The following LHFPL3 variants were observed in gnomAD, a reference collection of about 807,000 sequenced individuals.
The protein encoded by LHFPL3 is LHFPL tetraspan subfamily member 3 protein.
In LHFPL3, 5 loss-of-function variants were observed where a neutral mutation model predicts 19.3. The observed-to-expected ratio is 0.26, with a 90% CI of 0.14 to 0.54. The LOEUF (loss-of-function observed/expected upper bound fraction) is 0.54. LHFPL3 is among the 20% of genes least tolerant of loss of function. The probability of loss-of-function intolerance (pLI) is 0.94; values close to 1 mark genes in which losing one functional copy is unlikely to be tolerated. For synonymous variants in LHFPL3, 133 were observed against 126.2 expected (o/e 1.05, Z -0.36); for missense variants, 249 against 307.4 (o/e 0.81, Z 1.42).
chr7:104,737,466 G>A lies in LHFPL3; in HGVS notation c.682+555G>A, dbSNP rs1169229315. On this transcript the variant is annotated intron_variant, in intron 2 of 2. Coordinates refer to ENST00000424859, the MANE Select transcript of LHFPL3 (RefSeq NM_199000.3). ...TAATTAGCTGAATTTTAAATGTGTT[G>A]TCTGCGTATCAAAAGTCCTCAGATT... is the stretch of plus-strand genomic sequence containing the variant. Among the ~76,000 whole-genome samples the A allele has an allele frequency of 3.3e-5, 5 of 152,168 alleles. No homozygotes were observed. In the East Asian group the frequency reaches 9.6e-4, roughly 29 times the overall value.
At chr7:104,737,265 T>A (rs1199156054) in intron 2 of LHFPL3, among the ~76,000 whole-genome samples, 2 of 152,130 alleles carry the variant, frequency 1.3e-5, no homozygotes, top group Non-Finnish European at 2.9e-5. Context: ...TGGAAAGTAC[T>A]TTCTCTCCAT....
intron 1 of LHFPL3, among the ~76,000 whole-genome samples, chr7:104,655,387 A>G (rs1234987524): frequency 6.6e-6 from 1 of 152,230 alleles, no homozygotes; most frequent in Non-Finnish European, 1.5e-5. Context: ...AGGTGCATTG[A>G]CAATGTTATA....
At chr7:104,865,478 A>T (rs1441003931) in intron 2 of LHFPL3, among the ~76,000 whole-genome samples, 3 of 152,234 alleles carry the variant, frequency 2.0e-5, no homozygotes, top group Non-Finnish European at 2.9e-5. Flanking sequence ...GGTATCAGTG[A>T]TGGAAGATCA....
At chr7:104,494,667 C>G (rs1024590905) in intron 1 of LHFPL3, among the ~76,000 whole-genome samples, 10 of 152,150 alleles carry the variant, frequency 6.6e-5, no homozygotes, top group Admixed American at 1.3e-4. Context: ...GCCTGCTGAC[C>G]TCTCTCCCAC....
At chr7:104,451,768 G>A (rs374053874) in intron 1 of LHFPL3, among the ~76,000 whole-genome samples, 42 of 150,254 alleles carry the variant, frequency 2.8e-4, no homozygotes, top group African/African-American at 7.1e-4. Flanking sequence ...TTCTTGAGTC[G>A]GAGTCTCACT....
At chr7:104,469,779 T>G (rs1208560802) in intron 1 of LHFPL3, among the ~76,000 whole-genome samples, 1 of 152,160 alleles carries the variant, frequency 6.6e-6, no homozygotes. Flanking sequence ...GAAACTTGAA[T>G]CCATGTAGCA....
At chr7:104,659,943 G>A (rs1225834954) in intron 1 of LHFPL3, among the ~76,000 whole-genome samples, 3 of 151,828 alleles carry the variant, frequency 2.0e-5, no homozygotes, top group African/African-American at 7.3e-5. Context: ...CTTTCCTCCT[G>A]ATCATTTTAT....
rs532855980 is a variant in LHFPL3 at position 104,554,024 on chromosome 7, G to A, written c.446-182651G>A. Among the ~76,000 whole-genome samples, 16 of 152,236 alleles carry A rather than the reference G, an allele frequency of 1.1e-4. No homozygotes were observed. In the East Asian group the frequency reaches 2.9e-3, roughly 28 times the overall value. The stretch of plus-strand genomic sequence containing the variant: ...CGTGATACCCCAGATTCTTCATGAT[G>A]TGACTTTTTCCTGGCTGATGACAAT... On this transcript the variant is annotated intron_variant, in intron 1 of 2. Coordinates refer to ENST00000424859, the MANE Select transcript of LHFPL3 (RefSeq NM_199000.3).
intron 1 of LHFPL3, among the ~76,000 whole-genome samples, chr7:104,493,550 CT>C (rs1431540934): frequency 3.3e-5 from 5 of 152,106 alleles, no homozygotes; most frequent in Admixed American, 2.6e-4. Flanking sequence ...TCATTCCCCA[CT>C]TATGTCAGCC....
At chr7:104,809,669 T>C (rs1790428727) in intron 2 of LHFPL3, among the ~76,000 whole-genome samples, 1 of 152,236 alleles carries the variant, frequency 6.6e-6, no homozygotes, top group Admixed American at 6.5e-5. Context: ...TTATAATATA[T>C]ATAGTACCAA....
In LHFPL3 at chr7:104,833,384, TAATAGG is replaced by T. The variant is rs1229324416; in HGVS notation, c.683-72801_683-72796del. On this transcript the variant is annotated intron_variant, in intron 2 of 2. Transcript: ENST00000424859. The stretch of plus-strand genomic sequence containing the variant: ...ATAGGATATATATATATTATATATA[TAATAGG>T]ATATATATATTATATATATATATAT... 0.021 allele frequency among the ~76,000 whole-genome samples: 110 copies of T among 5,120 alleles called. 22 individuals carry two copies. In the South Asian group the frequency reaches 0.23, roughly 11 times the overall value. 3.4% of individuals were successfully genotyped at this position (5,120 alleles called of 152,430 possible).
intron 1 of LHFPL3, among the ~76,000 whole-genome samples, chr7:104,417,884 C>CTTCTT (rs1554391164): frequency 5.9e-5 from 7 of 117,750 alleles, no homozygotes; most frequent in African/African-American, 1.7e-4. Context: ...TCTTCTTCTT[C>CTTCTT]TTTTTTTTTT....
intron 1 of LHFPL3, among the ~76,000 whole-genome samples, chr7:104,590,488 T>C (rs1790688634): frequency 6.6e-6 from 1 of 152,248 alleles, no homozygotes; most frequent in Non-Finnish European, 1.5e-5. Flanking sequence ...CAGTTTGTTA[T>C]AATTTCTGTT....
rs552900117 is a variant in LHFPL3 at position 104,498,263 on chromosome 7, G to A, written c.445+169039G>A. Reference sequence around the variant, plus strand: ...ATATGTGACAACAAAGTCAGCCACCGCTACCATGACTGGAAGAAATTTCCC... The same window carrying A: ...ATATGTGACAACAAAGTCAGCCACCACTACCATGACTGGAAGAAATTTCCC... On this transcript the variant is annotated intron_variant, in intron 1 of 2. Coordinates refer to ENST00000424859, the MANE Select transcript of LHFPL3 (RefSeq NM_199000.3). Among the ~76,000 whole-genome samples, 3 of 152,198 alleles carry A rather than the reference G, an allele frequency of 2.0e-5. No homozygotes were observed. In the South Asian group the frequency reaches 6.2e-4, roughly 32 times the overall value.
intron 1 of LHFPL3, among the ~76,000 whole-genome samples, chr7:104,482,825 T>A (rs1793161914): frequency 6.6e-6 from 1 of 152,240 alleles, no homozygotes; most frequent in Non-Finnish European, 1.5e-5. Context: ...GCTCCCGGGC[T>A]GGCTGTGGTC....
At chr7:104,577,929 A>G (rs2116011068) in intron 1 of LHFPL3, among the ~76,000 whole-genome samples, 1 of 152,226 alleles carries the variant, frequency 6.6e-6, no homozygotes, top group East Asian at 1.9e-4. Flanking sequence ...GGAAAGTGAG[A>G]AAAATACATT....
intron 2 of LHFPL3, among the ~76,000 whole-genome samples, chr7:104,809,336 T>C (rs974858563): frequency 5.3e-5 from 8 of 152,238 alleles, no homozygotes; most frequent in Admixed American, 1.3e-4. Flanking sequence ...GTGGTACATA[T>C]GCCTTGAGAT....
intron 1 of LHFPL3, among the ~76,000 whole-genome samples, chr7:104,615,722 G>A (rs150796451): frequency 0.022 from 3,241 of 149,788 alleles, 55 homozygotes; most frequent in Non-Finnish European, 0.035. Flanking sequence ...TCCCCTCCCG[G>A]TGTCCATGTG....
intron 1 of LHFPL3, among the ~76,000 whole-genome samples, chr7:104,516,380 G>C (rs780495884): frequency 6.6e-6 from 1 of 152,064 alleles, no homozygotes; most frequent in African/African-American, 2.4e-5. Flanking sequence ...ATGTGATTTG[G>C]GTAGGGACAC....
Sources: gnomAD v4.1 joint callset for allele counts (sites outside exome capture counted in the v4.1 genomes callset) on GRCh38, gnomAD v4.1.1 for gene constraint, MANE v1.5 for transcripts, NCBI Gene and HGNC (gene_info 2026-07-23, HGNC 2026-07-21) for gene names.